Variants in SPOP observed in about 807,000 individuals in gnomAD.
The protein encoded by SPOP is speckle type BTB/POZ protein, also known as speckle-type POZ protein.
A neutral mutation model predicts 45.6 loss-of-function variants in SPOP; 11 were observed. The observed-to-expected ratio is 0.24, with a 90% CI of 0.15 to 0.40. SPOP has a LOEUF of 0.40. Ranked by LOEUF, SPOP falls within the 10% of genes least tolerant of loss-of-function variation. SPOP has a pLI of 1.00. For missense variants in SPOP, 152 were observed against 465.6 expected (o/e 0.33, Z 6.20); for synonymous variants, 166 against 166.3 (o/e 1.00, Z 0.01).
At chr17:49,666,765 T>A (rs1379868918) in intron 1 of SPOP, among the ~76,000 whole-genome samples, 1 of 151,942 alleles carries the variant, frequency 6.6e-6, no homozygotes, top group African/African-American at 2.4e-5. Context: ...CAGGCAGAGG[T>A]GGCAGTGAGC....
intron 1 of SPOP, among the ~76,000 whole-genome samples, chr17:49,628,806 C>A (rs1161567657): frequency 6.6e-6 from 1 of 152,210 alleles, no homozygotes; most frequent in African/African-American, 2.4e-5. Context: ...CTACGGTGCA[C>A]TTCTTTCCTG....
Position 49,619,225 on chromosome 17 carries a change from A to C in SPOP, c.352+9T>G. 6.9e-7 allele frequency: 1 copy of C among 1,442,698 alleles called. No individual in the cohort carries two copies. Among genetic ancestry groups the C allele is most frequent in the Non-Finnish European group, 9.7e-7 (1 of 1,030,736 alleles). The allele number at this position is 1,442,698 out of a possible 1,614,324, so 89.4% of individuals were successfully genotyped here. A position where few individuals can be genotyped will look rare whatever the true frequency, so the allele number is the denominator to read the frequency against. ...AACTTAAGAGTTGAACAAAGAGGAGAACATTTACCCATAGCTTTGGTTTCT... is the reference window on the plus strand; with the variant it reads ...AACTTAAGAGTTGAACAAAGAGGAGCACATTTACCCATAGCTTTGGTTTCT... On this transcript the variant is annotated intron_variant, in intron 4 of 9. Transcript: ENST00000504102. This position sits in a 1 kb window ranked among gnomAD's most constrained non-coding sequence, Gnocchi z 4.9.
intron 1 of SPOP, among the ~76,000 whole-genome samples, chr17:49,659,481 C>A (rs375415650): frequency 6.6e-6 from 1 of 152,188 alleles, no homozygotes; most frequent in Non-Finnish European, 1.5e-5. Flanking sequence ...CTCCGTTACA[C>A]ACAGGCTCCT....
intron 1 of SPOP, among the ~76,000 whole-genome samples, chr17:49,656,634 A>C (rs1296435544): frequency 6.6e-6 from 1 of 152,212 alleles, no homozygotes; most frequent in African/African-American, 2.4e-5. Flanking sequence ...GGTCCAAGTC[A>C]AGTCCTACCT....
chr17:49,672,043 G>C (rs2073142671), intron 1 of SPOP, among the ~76,000 whole-genome samples: 2 of 152,142 alleles, frequency 1.3e-5, no homozygotes, highest in Admixed American at 1.3e-4. Flanking sequence ...GGAAGGTTGA[G>C]GCACAAGAAT....
intron 1 of SPOP, among the ~76,000 whole-genome samples, chr17:49,642,483 C>T (rs1332951932): frequency 2.0e-5 from 3 of 152,090 alleles, no homozygotes; most frequent in Admixed American, 6.6e-5. Context: ...CAGAGTGAGA[C>T]TCTGTCTCAA....
intron 1 of SPOP, among the ~76,000 whole-genome samples, chr17:49,641,253 ACT>A (rs1347088865): frequency 8.7e-6 from 1 of 114,306 alleles, no homozygotes; most frequent in Non-Finnish European, 1.6e-5. Context: ...ACAGAGCAAG[ACT>A]CTGTCTCCAA....
At position 49,663,241 on chromosome 17, in the gene SPOP, T is replaced by C. The variant is rs565017871; in HGVS notation, c.-67+14692A>G. ...ATTCTCAAAGGAGCCTCAACCCTAC[T>C]GTGAAATGCAAATGGGAGGGATCTA... On this transcript the variant is annotated intron_variant, in intron 1 of 9. Transcript: ENST00000504102. Among the ~76,000 whole-genome samples the C allele has an allele frequency of 5.9e-5, 9 of 152,304 alleles. No homozygotes were observed. In the South Asian group the frequency reaches 1.7e-3, roughly 28 times the overall value.
chr17:49,632,307 C>A (rs755838729), intron 1 of SPOP, among the ~76,000 whole-genome samples: 23 of 152,104 alleles, frequency 1.5e-4, no homozygotes, highest in Non-Finnish European at 3.1e-4. Context: ...GATTAAAAAT[C>A]TTTTCAAATC....
At chr17:49,657,250 T>G (rs2072925516) in intron 1 of SPOP, among the ~76,000 whole-genome samples, 1 of 152,142 alleles carries the variant, frequency 6.6e-6, no homozygotes, top group Admixed American at 6.5e-5. Flanking sequence ...TGTCCTTTAA[T>G]GCTGTTTACA....
chr17:49,647,343 A>AC (rs2072776510), intron 1 of SPOP, among the ~76,000 whole-genome samples: 3 of 143,984 alleles, frequency 2.1e-5, no homozygotes. Flanking sequence ...AAAAAAAAAA[A>AC]GTTCTTTTGT....
intron 8 of SPOP, among the ~76,000 whole-genome samples, chr17:49,605,173 A>G (rs1357895682): frequency 6.6e-6 from 1 of 152,226 alleles, no homozygotes; most frequent in East Asian, 1.9e-4. Flanking sequence ...CACTTCTCAA[A>G]TTGAAATGTG....
chr17:49,628,963 G>C (rs1441705544), intron 1 of SPOP, among the ~76,000 whole-genome samples: 1 of 152,152 alleles, frequency 6.6e-6, no homozygotes, highest in African/African-American at 2.4e-5. Context: ...TCTGATGAAG[G>C]CCAGGCGTGG....
intron 1 of SPOP, among the ~76,000 whole-genome samples, chr17:49,636,518 A>G (rs2072545622): frequency 6.6e-6 from 1 of 152,160 alleles, no homozygotes; most frequent in African/African-American, 2.4e-5. Flanking sequence ...TTTTTTGAAG[A>G]CACTTATAGA....
intron 8 of SPOP, among the ~76,000 whole-genome samples, chr17:49,605,432 A>T (rs892567882): frequency 6.6e-6 from 1 of 152,148 alleles, no homozygotes; most frequent in Non-Finnish European, 1.5e-5. Context: ...GCTCACACCC[A>T]TAATTTCAGC....
chr17:49,623,244 G>A (rs975021300), intron 1 of SPOP, among the ~76,000 whole-genome samples: 1 of 152,098 alleles, frequency 6.6e-6, no homozygotes, highest in Non-Finnish European at 1.5e-5. Flanking sequence ...TCGACCTCAG[G>A]TGATCCACCC....
chr17:49,677,700 G>A (rs1030952653), intron 1 of SPOP, among the ~76,000 whole-genome samples: 1 of 152,206 alleles, frequency 6.6e-6, no homozygotes, highest in African/African-American at 2.4e-5. Context: ...GGGGGCTGAA[G>A]GCAGGGGGCG....
At chr17:49,664,216 T>C (rs2143544123) in intron 1 of SPOP, among the ~76,000 whole-genome samples, 1 of 152,318 alleles carries the variant, frequency 6.6e-6, no homozygotes, top group South Asian at 2.1e-4. Flanking sequence ...CACAATTGTC[T>C]GAAAAGGCTA....
intron 1 of SPOP, among the ~76,000 whole-genome samples, chr17:49,660,606 TA>T (rs1268837701): frequency 2.0e-5 from 3 of 152,180 alleles, no homozygotes; most frequent in African/African-American, 7.2e-5. Flanking sequence ...AATTAATATT[TA>T]ATGCCCCAGA....
Sources: gnomAD v4.1 joint callset for allele counts (sites outside exome capture counted in the v4.1 genomes callset) on GRCh38, gnomAD v4.1.1 for gene constraint, Gnocchi (gnomAD v3.1) non-coding constraint, MANE v1.5 for transcripts, NCBI Gene and HGNC (gene_info 2026-07-23, HGNC 2026-07-21) for gene names.